The following GRIA4 variants were observed in gnomAD, a reference collection of about 807,000 sequenced individuals.
The protein encoded by GRIA4 is glutamate receptor 4.
In GRIA4, 34 loss-of-function variants were observed where a neutral mutation model predicts 104.0. That is an observed-to-expected ratio of 0.33 (90% CI 0.25 to 0.44). The LOEUF (loss-of-function observed/expected upper bound fraction) is 0.44, where lower values mean the gene tolerates loss of function less well. Among genes scored for constraint, GRIA4 ranks in the 20% least tolerant of loss-of-function variants. The pLI, the probability that GRIA4 is intolerant of heterozygous loss-of-function variation, is 1.00. For missense variants in GRIA4, 750 were observed against 1,096.5 expected (o/e 0.68, Z 4.46); for synonymous variants, 386 against 381.9 (o/e 1.01, Z -0.13).
At chr11:105,653,666 T>A (rs901011813) in intron 3 of GRIA4, among the ~76,000 whole-genome samples, 12 of 152,194 alleles carry the variant, frequency 7.9e-5, no homozygotes, top group African/African-American at 2.9e-4. Flanking sequence ...GAGCGAGTGT[T>A]TTTCAGAAAA....
At position 105,794,451 on chromosome 11, in the gene GRIA4, GTC is replaced by G. The variant is rs1423820182; in HGVS notation, c.487+41233_487+41234del. Among the ~76,000 whole-genome samples the G allele has an allele frequency of 5.5e-3, 494 of 90,126 alleles. 14 individuals are homozygous for G. The highest frequency in any genetic ancestry group is 0.021 in the African/African-American group (458 of 21,514). The allele number at this position is 90,126 out of a possible 152,430, so 59.1% of individuals were successfully genotyped here. On this transcript the variant is annotated intron_variant, in intron 4 of 16. Coordinates refer to ENST00000282499, the MANE Select transcript of GRIA4 (RefSeq NM_000829.4). ...TGCCGGGGTGTGTGTGTGTGTGTGT[GTC>G]TGTGTGTGTGTATATGTATGTATAT...
intron 3 of GRIA4, among the ~76,000 whole-genome samples, chr11:105,693,951 T>G (rs1379116881): frequency 2.0e-5 from 3 of 152,310 alleles, no homozygotes; most frequent in Middle Eastern, 3.4e-3. Flanking sequence ...TAAAGAATTT[T>G]GCAAATTCAT....
intron 3 of GRIA4, among the ~76,000 whole-genome samples, chr11:105,691,791 C>T (rs373181900): frequency 6.6e-5 from 10 of 151,548 alleles, no homozygotes; most frequent in East Asian, 1.9e-4. Flanking sequence ...AAAAATTAGC[C>T]GGGCATGGTG....
rs542022947 is a variant in GRIA4, at chr11:105,894,900, C to T, written c.727-3369C>T. 4.1e-4 allele frequency among the ~76,000 whole-genome samples: 47 copies of T among 114,818 alleles called. 6 individuals are homozygous for T. The East Asian group carries it at 1.0e-2, about 24-fold the overall frequency. 75.3% of individuals were successfully genotyped at this position (114,818 alleles called of 152,430 possible). On this transcript the variant is annotated intron_variant, in intron 6 of 16. Transcript: ENST00000282499. ...CTGCAAGCTCCGCTTCCCGGGTTCA[C>T]GCCATTCTCCTGCCTCAGCCTCCCG...
chr11:105,864,928 A>G (rs1418766977), intron 5 of GRIA4, among the ~76,000 whole-genome samples: 2 of 152,228 alleles, frequency 1.3e-5, no homozygotes, highest in Admixed American at 1.3e-4. Flanking sequence ...CATGCCATCA[A>G]TAATTACTTC....
At chr11:105,642,825 G>C (rs922819766) in intron 3 of GRIA4, among the ~76,000 whole-genome samples, 12 of 152,116 alleles carry the variant, frequency 7.9e-5, no homozygotes, top group Non-Finnish European at 1.2e-4. Context: ...TTTTGTGAAA[G>C]TATAGCATGA....
chr11:105,623,102 C>G (rs1465647277), intron 3 of GRIA4, among the ~76,000 whole-genome samples: 9 of 128,080 alleles, frequency 7.0e-5, no homozygotes, highest in Non-Finnish European at 1.5e-4. Context: ...CCATATTTTC[C>G]TTATCCAGTC....
intron 3 of GRIA4, among the ~76,000 whole-genome samples, chr11:105,727,743 T>A (rs1938311030): frequency 2.0e-5 from 3 of 151,756 alleles, no homozygotes; most frequent in African/African-American, 4.8e-5. Context: ...AAGAAAAAAA[T>A]TTTCAACCCA....
intron 5 of GRIA4, among the ~76,000 whole-genome samples, chr11:105,867,975 C>G (rs1021506819): frequency 6.6e-6 from 1 of 152,148 alleles, no homozygotes; most frequent in South Asian, 2.1e-4. Context: ...CACTGCAATG[C>G]GTGCTGTACA....
chr11:105,868,114 C>T (rs1161052380), intron 5 of GRIA4, among the ~76,000 whole-genome samples: 1 of 151,990 alleles, frequency 6.6e-6, no homozygotes, highest in African/African-American at 2.4e-5. Flanking sequence ...TATGAAGAAT[C>T]CAGAAGATGG....
chr11:105,706,832 G>A (rs1051892162), intron 3 of GRIA4: 1 of 152,260 alleles, frequency 6.6e-6, no homozygotes, highest in South Asian at 2.1e-4. Context: ...AAGTAAAAGC[G>A]TCATCACATA....
At chr11:105,647,120 T>G (rs1273791837) in intron 3 of GRIA4, among the ~76,000 whole-genome samples, 2 of 151,886 alleles carry the variant, frequency 1.3e-5, no homozygotes, top group Non-Finnish European at 2.9e-5. Context: ...ATAAACCCAT[T>G]AAAAATGGGC....
intron 3 of GRIA4, among the ~76,000 whole-genome samples, chr11:105,728,873 AG>A (rs1938397886): frequency 6.6e-6 from 1 of 152,230 alleles, no homozygotes; most frequent in Non-Finnish European, 1.5e-5. Flanking sequence ...GAAAATTTAT[AG>A]CACTAAAATG....
At chr11:105,803,337 T>C (rs1441871712) in intron 4 of GRIA4, among the ~76,000 whole-genome samples, 2 of 151,974 alleles carry the variant, frequency 1.3e-5, no homozygotes, top group Admixed American at 1.3e-4. Context: ...TTAGGTTATT[T>C]GCCACTATGA....
At chr11:105,625,388 C>A (rs893237636) in intron 3 of GRIA4, among the ~76,000 whole-genome samples, 1 of 152,030 alleles carries the variant, frequency 6.6e-6, no homozygotes, top group Admixed American at 6.6e-5. Context: ...TAACACAAAA[C>A]AAATCTGGTT....
chr11:105,619,131 G>A (rs1176696173), intron 3 of GRIA4, among the ~76,000 whole-genome samples: 1 of 151,128 alleles, frequency 6.6e-6, no homozygotes, highest in African/African-American at 2.4e-5. Context: ...TGGATATATT[G>A]GCCTAGAATG....
intron 3 of GRIA4, among the ~76,000 whole-genome samples, chr11:105,691,074 T>C (rs1196727695): frequency 1.3e-5 from 2 of 152,172 alleles, no homozygotes; most frequent in Non-Finnish European, 2.9e-5. Flanking sequence ...GGTGTGTGTG[T>C]GGGCTTGTGT....
chr11:105,901,840 T>C (rs945742373), intron 7 of GRIA4, among the ~76,000 whole-genome samples: 1 of 152,236 alleles, frequency 6.6e-6, no homozygotes, highest in Non-Finnish European at 1.5e-5. Context: ...AAAGTGGCAA[T>C]ATTTTTCTTT....
At chr11:105,772,060 T>C (rs778281371) in intron 4 of GRIA4, among the ~76,000 whole-genome samples, 3 of 152,130 alleles carry the variant, frequency 2.0e-5, no homozygotes, top group Non-Finnish European at 2.9e-5. Flanking sequence ...AATAATTTCA[T>C]AGCCACCTCC....
Sources: allele counts gnomAD v4.1 joint callset (sites outside exome capture counted in the v4.1 genomes callset), GRCh38; gene constraint gnomAD v4.1.1; transcripts MANE v1.5; gene names NCBI Gene and HGNC (gene_info 2026-07-23, HGNC 2026-07-21).